The following DTNB variants were observed in gnomAD, a reference collection of about 807,000 sequenced individuals.
DTNB encodes the protein DTN-B.
In DTNB, 63 loss-of-function variants were observed where a neutral mutation model predicts 90.7. That is an observed-to-expected ratio of 0.69 (90% CI 0.57 to 0.86). The LOEUF (loss-of-function observed/expected upper bound fraction) is 0.86. Among genes scored for constraint, DTNB ranks in the 40% least tolerant of loss-of-function variants. DTNB has a pLI of 0.00. For synonymous variants in DTNB, 277 were observed against 286.7 expected, an observed-to-expected ratio of 0.97 and a Z score of 0.34; for missense variants, 744 against 807.1, an observed-to-expected ratio of 0.92 and a Z score of 0.95.
chr2:25,588,399 C>T, intron 6 of DTNB, among the ~76,000 whole-genome samples: 1 of 151,608 alleles, frequency 6.6e-6, no homozygotes, highest in Non-Finnish European at 1.5e-5. Flanking sequence ...CGGAGTCTCC[C>T]TCTATTGCCA....
rs879624056 is a variant in DTNB at position 25,416,783 on chromosome 2, T to TGGAAGGAAGGAA, written c.1575+2720_1575+2731dup. ...AAATTAAACTACACCAGCCAGAACC[T>TGGAAGGAAGGAA]GGAAGGAAGGAAGGAAGGAACGAAG... On this transcript the variant is annotated intron_variant, in intron 16 of 20. Coordinates refer to ENST00000406818, the MANE Select transcript of DTNB (RefSeq NM_021907.5). Among the ~76,000 whole-genome samples, 121 of 117,934 alleles carry TGGAAGGAAGGAA rather than the reference T, an allele frequency of 1.0e-3. 3 individuals carry two copies. The highest frequency in any genetic ancestry group is 1.7e-3 in the African/African-American group (48 of 28,666). The allele number at this position is 117,934 out of a possible 152,430, so 77.4% of individuals were successfully genotyped here.
chr2:25,568,355 T>TGGGA (rs1226628479), intron 8 of DTNB, among the ~76,000 whole-genome samples: 18 of 151,904 alleles, frequency 1.2e-4, no homozygotes, highest in African/African-American at 3.6e-4. Context: ...AATAGGAGCT[T>TGGGA]GGGAGGGAGG....
chr2:25,548,465 A>C (rs1250898407), intron 8 of DTNB, among the ~76,000 whole-genome samples: 1 of 150,808 alleles, frequency 6.6e-6, no homozygotes, highest in Admixed American at 6.6e-5. Flanking sequence ...CATTGTGGTC[A>C]GGGAGGCTTC....
chr2:25,392,250 A>G (rs2041323328), intron 16 of DTNB, among the ~76,000 whole-genome samples: 1 of 152,148 alleles, frequency 6.6e-6, no homozygotes, highest in South Asian at 2.1e-4. Context: ...CTCCACTGAA[A>G]AAAACAAAAA....
chr2:25,625,547 A>G (rs1379427980), intron 4 of DTNB, among the ~76,000 whole-genome samples: 4 of 117,220 alleles, frequency 3.4e-5, no homozygotes, highest in Admixed American at 2.1e-4. Context: ...TTCTTAACTC[A>G]CTCATTTTTT....
rs2079827503 is a variant in DTNB at position 25,647,748 on chromosome 2, AGAT to A, written c.67+4843_67+4845del. On this transcript the variant is annotated intron_variant, in intron 2 of 20. Transcript: ENST00000406818. ...TCAACCAACCAACTGATCAATAAAA[AGAT>A]ATTTTTAAGTAATTAATAATAAAAA... Among the ~76,000 whole-genome samples the A allele has an allele frequency of 2.6e-5, 4 of 152,222 alleles. No individual in the cohort carries two copies. The South Asian group carries it at 8.3e-4, about 32-fold the overall frequency.
intron 3 of DTNB, among the ~76,000 whole-genome samples, chr2:25,629,412 G>A (rs1238358081): frequency 1.3e-5 from 2 of 152,110 alleles, no homozygotes; most frequent in Admixed American, 1.3e-4. Flanking sequence ...TGGCTGGTGC[G>A]GACCCAAATA....
chr2:25,540,045 G>C (rs1411261832), intron 8 of DTNB, among the ~76,000 whole-genome samples: 3 of 152,102 alleles, frequency 2.0e-5, no homozygotes, highest in Admixed American at 1.3e-4. Context: ...GTGATTTTAT[G>C]ACTACAGCTT....
At chr2:25,413,395 C>G (rs549803642) in intron 16 of DTNB, among the ~76,000 whole-genome samples, 2 of 151,490 alleles carry the variant, frequency 1.3e-5, no homozygotes, top group Non-Finnish European at 2.9e-5. Flanking sequence ...AGGTGTATCT[C>G]CTAATGCTAT....
chr2:25,657,282 A>G (rs946709823), intron 1 of DTNB, among the ~76,000 whole-genome samples: 1 of 120,566 alleles, frequency 8.3e-6, no homozygotes, highest in Non-Finnish European at 1.9e-5. Flanking sequence ...AGCACAACCC[A>G]TGAAATAAAA....
chr2:25,634,246 GC>G (rs1461996088), intron 3 of DTNB, among the ~76,000 whole-genome samples: 5 of 110,570 alleles, frequency 4.5e-5, no homozygotes, highest in Non-Finnish European at 1.0e-4. Flanking sequence ...GGGGGGGTCA[GC>G]CCCCCGCCCG....
At chr2:25,631,301 A>G (rs2148742306) in intron 3 of DTNB, among the ~76,000 whole-genome samples, 1 of 152,332 alleles carries the variant, frequency 6.6e-6, no homozygotes, top group African/African-American at 2.4e-5. Context: ...TAAGAAAGAT[A>G]TCAGAGGCTT....
intron 8 of DTNB, among the ~76,000 whole-genome samples, chr2:25,559,191 C>A (rs1391624687): frequency 6.6e-6 from 1 of 152,144 alleles, no homozygotes; most frequent in South Asian, 2.1e-4. Flanking sequence ...TCCCCTCACG[C>A]GACCCCAATC....
chr2:25,432,206 T>TAC (rs60610400), intron 14 of DTNB, among the ~76,000 whole-genome samples: 17,110 of 146,254 alleles, frequency 0.12, 979 homozygotes, highest in African/African-American at 0.15. Flanking sequence ...GAAGAGTGCG[T>TAC]ACACACACAC....
intron 2 of DTNB, among the ~76,000 whole-genome samples, chr2:25,648,042 T>C (rs767493306): frequency 1.4e-4 from 22 of 152,114 alleles, no homozygotes; most frequent in East Asian, 9.6e-4. Context: ...TCCAATAAAA[T>C]TGGCAAACTT....
chr2:25,650,540 T>C (rs1484716617), intron 2 of DTNB, among the ~76,000 whole-genome samples: 1 of 152,082 alleles, frequency 6.6e-6, no homozygotes, highest in Non-Finnish European at 1.5e-5. Context: ...AGGCATGTGA[T>C]GGAAAAATTG....
chr2:25,507,194 A>G (rs2072670941), intron 9 of DTNB, among the ~76,000 whole-genome samples: 1 of 152,198 alleles, frequency 6.6e-6, no homozygotes, highest in East Asian at 1.9e-4. Flanking sequence ...TGTTAGAAGC[A>G]GTCTATAATG....
intron 5 of DTNB, among the ~76,000 whole-genome samples, chr2:25,599,365 G>A (rs887253788): frequency 6.0e-5 from 9 of 149,816 alleles, no homozygotes; most frequent in Admixed American, 1.3e-4. Context: ...TTTTTTAGAC[G>A]GGGTCTCACT....
chr2:25,592,979 T>C (rs1408805143), intron 6 of DTNB, among the ~76,000 whole-genome samples: 1 of 152,200 alleles, frequency 6.6e-6, no homozygotes, highest in Non-Finnish European at 1.5e-5. Context: ...ATCGGTTTCA[T>C]CAAAACTAGA....
Sources: gnomAD v4.1 joint callset for allele counts (sites outside exome capture counted in the v4.1 genomes callset) on GRCh38, gnomAD v4.1.1 for gene constraint, MANE v1.5 for transcripts, NCBI Gene and HGNC (gene_info 2026-07-23, HGNC 2026-07-21) for gene names.